PLD5: variants seen among roughly 807,000 people sequenced by gnomAD.
PLD5 encodes the protein phospholipase D family member 5, also known as inactive phospholipase D5.
A neutral mutation model predicts 61.1 loss-of-function variants in PLD5; 36 were observed. The observed-to-expected ratio is 0.59, with a 90% CI of 0.45 to 0.78. The LOEUF (loss-of-function observed/expected upper bound fraction) is 0.78, where lower values mean the gene tolerates loss of function less well. PLD5 is among the 30% of genes least tolerant of loss of function. PLD5 has a pLI of 0.00. For synonymous variants in PLD5, 243 were observed against 242.8 expected, an observed-to-expected ratio of 1.00 and a Z score of -0.01; for missense variants, 515 against 644.4, an observed-to-expected ratio of 0.80 and a Z score of 2.17.
At chr1:242,201,739 A>T (rs762493464) in intron 5 of PLD5, among the ~76,000 whole-genome samples, 18 of 152,216 alleles carry the variant, frequency 1.2e-4, no homozygotes, top group Non-Finnish European at 2.1e-4. Context: ...AAGTTTTGCC[A>T]ATTAGAATTT....
chr1:242,520,788 C>T (rs1045390100), intron 1 of PLD5, among the ~76,000 whole-genome samples: 5 of 152,144 alleles, frequency 3.3e-5, no homozygotes, highest in African/African-American at 4.8e-5. Context: ...TGGTTACCTC[C>T]AAAGCAACCC....
At position 242,192,506 on chromosome 1, in the gene PLD5, C is replaced by T. The variant is rs576485097; in HGVS notation, c.735+27482G>A. On this transcript the variant is annotated intron_variant, in intron 5 of 9. Coordinates refer to ENST00000536534, the MANE Select transcript of PLD5 (RefSeq NM_001372062.1). ...CCAATAAAAGCTCCAAGAAGGATGGCTTCAGGGAGAAAAATAAAATAAATC... is the reference window on the plus strand; with the variant it reads ...CCAATAAAAGCTCCAAGAAGGATGGTTTCAGGGAGAAAAATAAAATAAATC... 1.7e-3 allele frequency among the ~76,000 whole-genome samples: 265 copies of T among 152,174 alleles called. 2 individuals are homozygous for T. The highest frequency in any genetic ancestry group is 6.0e-3 in the African/African-American group (250 of 41,500).
At chr1:242,480,570 C>T (rs1667739430) in intron 1 of PLD5, among the ~76,000 whole-genome samples, 1 of 152,060 alleles carries the variant, frequency 6.6e-6, no homozygotes, top group Non-Finnish European at 1.5e-5. Flanking sequence ...ACGCAAACTA[C>T]AGAGCTGGAG....
At chr1:242,102,856 A>G (rs1439073702) in intron 8 of PLD5, among the ~76,000 whole-genome samples, 2 of 152,250 alleles carry the variant, frequency 1.3e-5, no homozygotes, top group African/African-American at 2.4e-5. Flanking sequence ...TTATTAAAAA[A>G]AAAGTGACCA....
At chr1:242,526,856 T>C (rs189012671), upstream of PLD5, among the ~76,000 whole-genome samples, 3 of 152,352 alleles carry the variant, frequency 2.0e-5, no homozygotes, top group Non-Finnish European at 4.4e-5. Context: ...TTTTATAATA[T>C]TGTTAACAGA....
intron 1 of PLD5, among the ~76,000 whole-genome samples, chr1:242,354,075 G>C (rs938283091): frequency 1.3e-5 from 2 of 151,660 alleles, no homozygotes; most frequent in Admixed American, 1.3e-4. Context: ...TTACTTCCTG[G>C]TCACAAAACA....
chr1:242,134,552 T>C (rs1178915887), intron 5 of PLD5, among the ~76,000 whole-genome samples: 1 of 152,170 alleles, frequency 6.6e-6, no homozygotes, highest in East Asian at 1.9e-4. Context: ...ACACATTTAG[T>C]CTTCAGAGTC....
chr1:242,095,119 G>A (rs1253904332), intron 9 of PLD5, among the ~76,000 whole-genome samples: 1 of 151,472 alleles, frequency 6.6e-6, no homozygotes, highest in African/African-American at 2.4e-5. Flanking sequence ...TGTATTTTTA[G>A]TAGAGACGGG....
chr1:242,226,179 T>C (rs1168052303), intron 4 of PLD5, among the ~76,000 whole-genome samples: 4 of 152,238 alleles, frequency 2.6e-5, no homozygotes. Context: ...TTAACCATTT[T>C]TTGCTTTTAT....
At chr1:242,389,338 C>T (rs995484875) in intron 1 of PLD5, among the ~76,000 whole-genome samples, 6 of 151,976 alleles carry the variant, frequency 3.9e-5, no homozygotes, top group South Asian at 2.1e-4. Flanking sequence ...TAATTTAATA[C>T]GCATCTTAGA....
chr1:242,200,608 A>T (rs1288655456), intron 5 of PLD5, among the ~76,000 whole-genome samples: 1 of 150,076 alleles, frequency 6.7e-6, no homozygotes, highest in Non-Finnish European at 1.5e-5. Flanking sequence ...ATTATTAAGT[A>T]CGAGAAACAG....
the PLD5 span, among the ~76,000 whole-genome samples, chr1:242,529,799 CTT>C: frequency 1.0e-4 from 15 of 145,076 alleles, no homozygotes; most frequent in East Asian, 2.0e-4. Context: ...TCCTTCCTTC[CTT>C]CCTTCCTTCC....
intron 5 of PLD5, among the ~76,000 whole-genome samples, chr1:242,162,721 A>C (rs1277259182): frequency 1.3e-5 from 2 of 152,196 alleles, no homozygotes; most frequent in Non-Finnish European, 2.9e-5. Flanking sequence ...AAAAGCTACG[A>C]GAAGTTTTTC....
At position 242,089,566 on chromosome 1, in the gene PLD5, C is replaced by T. The variant is rs2148639903; in HGVS notation, c.*288G>A. 1.9e-6 allele frequency: 1 copy of T among 525,092 alleles called. No individual in the cohort carries two copies. Among genetic ancestry groups the T allele is most frequent in the Admixed American group, 3.5e-5 (1 of 28,398 alleles). 32.5% of individuals were successfully genotyped at this position (525,092 alleles called of 1,614,324 possible). ...TAGGTCAGCAGAAAAAGTTCTAAAA[C>T]TAGAAAGGAGCAGGAATGAAAGTCT... is the stretch of plus-strand genomic sequence containing the variant. On this transcript the variant is annotated 3_prime_UTR_variant, in exon 10 of 10. Coordinates refer to ENST00000536534, the MANE Select transcript of PLD5 (RefSeq NM_001372062.1).
Position 242,126,355 on chromosome 1 carries a change from C to A in PLD5, c.736-1690G>T, listed in dbSNP as rs562403255. On this transcript the variant is annotated intron_variant, in intron 5 of 9. Coordinates refer to ENST00000536534, the MANE Select transcript of PLD5 (RefSeq NM_001372062.1). ...ACGAAAAAGCCTGCATAGGCCAAAGCAAGACTAAGCGAAAAGAACAAATCT... is the reference window on the plus strand; with the variant it reads ...ACGAAAAAGCCTGCATAGGCCAAAGAAAGACTAAGCGAAAAGAACAAATCT... Among the ~76,000 whole-genome samples, 8 of 152,262 alleles carry A rather than the reference C, an allele frequency of 5.3e-5. No individual in the cohort carries two copies. In the East Asian group the frequency reaches 1.5e-3, roughly 29 times the overall value.
Position 242,109,416 on chromosome 1 carries a change from T to C in PLD5, c.1071-1577A>G, listed in dbSNP as rs559531331. ...TCACTTGAACCCAGGAGGTGGAGGT[T>C]GCAGTGAGCCAAGATTGTGCCACTG... On this transcript the variant is annotated intron_variant, in intron 7 of 9. Transcript: ENST00000536534. 2.0e-5 allele frequency among the ~76,000 whole-genome samples: 3 copies of C among 152,132 alleles called. No homozygotes were observed. In the East Asian group the frequency reaches 5.8e-4, roughly 30 times the overall value.
intron 1 of PLD5, among the ~76,000 whole-genome samples, chr1:242,466,616 G>T (rs1270007872): frequency 6.6e-5 from 10 of 152,122 alleles, no homozygotes; most frequent in Non-Finnish European, 1.5e-4. Context: ...AGCTCGGCTG[G>T]GCGCGGCGGC....
chr1:242,091,183 A>T (rs997323362), intron 9 of PLD5, among the ~76,000 whole-genome samples: 7 of 152,054 alleles, frequency 4.6e-5, no homozygotes, highest in African/African-American at 1.2e-4. Context: ...TTTTAACTTG[A>T]CGATTTCTCT....
In PLD5 at chr1:242,407,556, GTTTT is replaced by G. The variant is rs374180847; in HGVS notation, c.190-59318_190-59315del. 4.4e-3 allele frequency among the ~76,000 whole-genome samples: 469 copies of G among 105,502 alleles called. 7 individuals carry two copies. The highest frequency in any genetic ancestry group is 0.021 in the African/African-American group (441 of 21,124). 69.2% of individuals were successfully genotyped at this position (105,502 alleles called of 152,430 possible). Reference sequence around the variant, plus strand: ...AATACATAGTTTTTTTGTTGTGGTTGTTTTGTTTTTTTTTTTTTTTTTTGAGACG... The same window carrying G: ...AATACATAGTTTTTTTGTTGTGGTTGGTTTTTTTTTTTTTTTTTTGAGACG... On this transcript the variant is annotated intron_variant, in intron 1 of 9. Coordinates refer to ENST00000536534, the MANE Select transcript of PLD5 (RefSeq NM_001372062.1).
Sources: gnomAD v4.1 joint callset for allele counts (sites outside exome capture counted in the v4.1 genomes callset) on GRCh38, gnomAD v4.1.1 for gene constraint, MANE v1.5 for transcripts, NCBI Gene and HGNC (gene_info 2026-07-23, HGNC 2026-07-21) for gene names.